Variants in ANK3 observed in about 807,000 individuals in gnomAD.
The protein encoded by ANK3 is ankyrin-3.
Under a neutral mutation model 370.9 loss-of-function variants are expected in ANK3, and 57 were observed. The observed-to-expected ratio is 0.15, with a 90% CI of 0.12 to 0.19. The LOEUF is 0.19. ANK3 is among the 10% of genes least tolerant of loss of function. The probability of loss-of-function intolerance (pLI) is 1.00; values close to 1 mark genes in which losing one functional copy is unlikely to be tolerated. For synonymous variants in ANK3, 1,929 were observed against 1,946.3 expected, an observed-to-expected ratio of 0.99 and a Z score of 0.23; for missense variants, 4,439 against 5,302.1, an observed-to-expected ratio of 0.84 and a Z score of 5.06.
At chr10:60,103,855 A>G (rs59854421) in intron 28 of ANK3, among the ~76,000 whole-genome samples, 2,347 of 152,326 alleles carry the variant, frequency 0.015, 58 homozygotes, top group African/African-American at 0.054. Flanking sequence ...ATAGAATCCA[A>G]GACAGAAGAT....
At chr10:60,732,527 C>CA (rs1309340687) in intron 1 of ANK3, among the ~76,000 whole-genome samples, 1 of 152,096 alleles carries the variant, frequency 6.6e-6, no homozygotes, top group Non-Finnish European at 1.5e-5. Flanking sequence ...CATGCCTTTA[C>CA]AAGGCTCTCG....
chr10:60,701,283 G>A (rs1218676143), intron 1 of ANK3, among the ~76,000 whole-genome samples: 1 of 152,010 alleles, frequency 6.6e-6, no homozygotes, highest in African/African-American at 2.4e-5. Flanking sequence ...TTTCATATGT[G>A]GTCGAGAATA....
chr10:60,562,442 C>T (rs2077359139), intron 2 of ANK3, among the ~76,000 whole-genome samples: 1 of 151,998 alleles, frequency 6.6e-6, no homozygotes, highest in South Asian at 2.1e-4. Context: ...GGGATGGAGT[C>T]TCGCTCTGCC....
intron 1 of ANK3, among the ~76,000 whole-genome samples, chr10:60,333,038 T>C (rs983350505): frequency 2.0e-5 from 3 of 152,270 alleles, no homozygotes; most frequent in Admixed American, 1.3e-4. Context: ...ACATACAATT[T>C]TATAGGTTAT....
At position 60,314,743 on chromosome 10, in the gene ANK3, G is replaced by C. The variant is rs571695758; in HGVS notation, c.115-35104C>G. On this transcript the variant is annotated intron_variant, in intron 1 of 43. Transcript: ENST00000280772. Reference sequence around the variant, plus strand: ...GGAGGACAGCACACACCTGGCTCAAGTTGACAGGTGCAAGAATGTGGATCT... The same window carrying C: ...GGAGGACAGCACACACCTGGCTCAACTTGACAGGTGCAAGAATGTGGATCT... Among the ~76,000 whole-genome samples the C allele has an allele frequency of 2.0e-5, 3 of 152,292 alleles. 1 individual carries two copies. The East Asian group carries it at 5.8e-4, about 29-fold the overall frequency.
At position 60,377,075 on chromosome 10, in the gene ANK3, T is replaced by C. The variant is rs147579596; in HGVS notation, c.114+12350A>G. ...TTCCTGTTACTTAAGGACAGGCAAA[T>C]GTATTTTGAGGGTTGACAGAGCTAA... On this transcript the variant is annotated intron_variant, in intron 1 of 43. Transcript: ENST00000280772. 2.6e-3 allele frequency among the ~76,000 whole-genome samples: 392 copies of C among 152,272 alleles called. 2 individuals carry two copies. The highest frequency in any genetic ancestry group is 0.02 in the Middle Eastern group (6 of 294).
Position 60,142,046 on chromosome 10 carries a change from G to T in ANK3, c.2615-2959C>A, listed in dbSNP as rs764715045. Among the ~76,000 whole-genome samples, 38 of 152,102 alleles carry T rather than the reference G, an allele frequency of 2.5e-4. 1 individual carries two copies. Among genetic ancestry groups the T allele is most frequent in the Non-Finnish European group, 4.4e-5 (3 of 68,024 alleles). ...ACTTTTTAAGTCTGTATTTCGAATC[G>T]AAACTACAGAACTGAGCAAAGCGTT... On this transcript the variant is annotated intron_variant, in intron 23 of 43. Coordinates refer to ENST00000280772, the MANE Select transcript of ANK3 (RefSeq NM_020987.5).
intron 2 of ANK3, among the ~76,000 whole-genome samples, chr10:60,396,289 A>G (rs547450066): frequency 6.6e-6 from 1 of 152,310 alleles, no homozygotes; most frequent in East Asian, 1.9e-4. Flanking sequence ...CCATGTTTAC[A>G]TTCCCCAGGA....
chr10:60,475,825 C>T (rs749531157), intron 2 of ANK3, among the ~76,000 whole-genome samples: 3 of 152,152 alleles, frequency 2.0e-5, no homozygotes, highest in South Asian at 4.1e-4. Flanking sequence ...GGGACGGAGT[C>T]GCTTTCGAAA....
At chr10:60,684,430 G>T (rs1249722879) in intron 1 of ANK3, 6 of 808,230 alleles carry the variant, frequency 7.4e-6, no homozygotes, top group Non-Finnish European at 1.1e-5. Context: ...CTTATAGTTG[G>T]ATCACCTACG....
intron 25 of ANK3, among the ~76,000 whole-genome samples, chr10:60,130,559 C>G (rs995466263): frequency 1.4e-4 from 21 of 152,086 alleles, no homozygotes; most frequent in Admixed American, 1.4e-3. Flanking sequence ...TTCACGCTTT[C>G]CAACAAAATT....
intron 2 of ANK3, among the ~76,000 whole-genome samples, chr10:60,412,366 A>T (rs2063577482): frequency 6.6e-6 from 1 of 152,166 alleles, no homozygotes; most frequent in Admixed American, 6.5e-5. Flanking sequence ...GAACTGCTAC[A>T]TCCATCTTCT....
chr10:60,046,364 A>G (rs1039514092), intron 42 of ANK3, among the ~76,000 whole-genome samples: 72 of 152,234 alleles, frequency 4.7e-4, no homozygotes, highest in African/African-American at 1.7e-3. Flanking sequence ...TTGGAAATGT[A>G]CACATCTTTG....
At chr10:60,088,732 C>A (rs2087365064) in intron 28 of ANK3, among the ~76,000 whole-genome samples, 1 of 152,144 alleles carries the variant, frequency 6.6e-6, no homozygotes, top group Non-Finnish European at 1.5e-5. Flanking sequence ...GGCAATACAT[C>A]ATTTTAATAG....
intron 2 of ANK3, among the ~76,000 whole-genome samples, chr10:60,613,421 C>T (rs779051212): frequency 6.6e-6 from 1 of 152,090 alleles, no homozygotes; most frequent in Non-Finnish European, 1.5e-5. Flanking sequence ...ACGTATGGCT[C>T]CATTTTTAAT....
intron 2 of ANK3, among the ~76,000 whole-genome samples, chr10:60,573,724 A>G (rs2077646307): frequency 6.6e-6 from 1 of 152,212 alleles, no homozygotes; most frequent in Non-Finnish European, 1.5e-5. Flanking sequence ...CTGATTCAGG[A>G]AAGCATAAGG....
intron 2 of ANK3, among the ~76,000 whole-genome samples, chr10:60,458,388 T>A (rs2064803476): frequency 6.6e-6 from 1 of 152,106 alleles, no homozygotes; most frequent in Non-Finnish European, 1.5e-5. Flanking sequence ...CTAATATGTG[T>A]CTGGTACACC....
chr10:60,631,172 C>G (rs924360500), intron 1 of ANK3, among the ~76,000 whole-genome samples: 2 of 152,040 alleles, frequency 1.3e-5, no homozygotes, highest in Non-Finnish European at 2.9e-5. Context: ...AATCAGGGCT[C>G]TATTTTGTAC....
At chr10:60,171,594 C>T (rs2095796438) in intron 21 of ANK3, among the ~76,000 whole-genome samples, 1 of 152,144 alleles carries the variant, frequency 6.6e-6, no homozygotes, top group Non-Finnish European at 1.5e-5. Context: ...TCAAATAAGC[C>T]TCTGATATCA....
Sources: gnomAD v4.1 joint callset for allele counts (sites outside exome capture counted in the v4.1 genomes callset) on GRCh38, gnomAD v4.1.1 for gene constraint, MANE v1.5 for transcripts, NCBI Gene and HGNC (gene_info 2026-07-23, HGNC 2026-07-21) for gene names.